Variants in PSMA1 observed in about 807,000 individuals in gnomAD.
The protein encoded by PSMA1 is proteasome 20S subunit alpha 1, also known as proteasome subunit alpha type-1.
Under a neutral mutation model 38.4 loss-of-function variants are expected in PSMA1, and 3 were observed. The ratio of observed to expected loss-of-function variants is 0.08; its 90% CI spans 0.04 to 0.20. The LOEUF (loss-of-function observed/expected upper bound fraction) is 0.20, where lower values mean the gene tolerates loss of function less well. PSMA1 is among the 10% of genes least tolerant of loss of function. The pLI is 1.00. For missense variants in PSMA1, 227 were observed against 325.3 expected (o/e 0.70, Z 2.32); for synonymous variants, 101 against 107.1 (o/e 0.94, Z 0.35).
intron 2 of PSMA1, among the ~76,000 whole-genome samples, chr11:14,527,877 T>G (rs1019865747): frequency 1.3e-5 from 2 of 152,160 alleles, no homozygotes; most frequent in African/African-American, 4.8e-5. Context: ...AGTGACAAAG[T>G]ACACTTCAAT....
At chr11:14,579,466 C>CTTAA (rs1852256654) in intron 2 of PSMA1, among the ~76,000 whole-genome samples, 1 of 138,612 alleles carries the variant, frequency 7.2e-6, no homozygotes, top group African/African-American at 2.7e-5. Flanking sequence ...AGATCCTTAA[C>CTTAA]TTAATTACAG....
chr11:14,638,585 A>T (rs7131567), intron 1 of PSMA1, among the ~76,000 whole-genome samples: 490 of 8,088 alleles, frequency 0.061, 13 homozygotes, highest in Middle Eastern at 0.17. Flanking sequence ...ATATATATAT[A>T]TTTTTTTTTT....
intron 4 of PSMA1, among the ~76,000 whole-genome samples, chr11:14,517,192 T>C (rs1293284786): frequency 6.6e-6 from 1 of 152,180 alleles, no homozygotes; most frequent in Non-Finnish European, 1.5e-5. Context: ...CAAGTTCCCT[T>C]AAGACAAGAT....
intron 2 of PSMA1, among the ~76,000 whole-genome samples, chr11:14,606,089 TGCATATGGCTA>T (rs1852639182): frequency 6.6e-6 from 1 of 152,278 alleles, no homozygotes; most frequent in Non-Finnish European, 1.5e-5. Context: ...TTCATTGCCC[TGCATATGGCTA>T]GCCAGCTATC....
In PSMA1 at chr11:14,507,640, T is replaced by C. The variant is rs749483928; in HGVS notation, c.735+16A>G. On this transcript the variant is annotated intron_variant, in intron 9 of 9. Transcript: ENST00000396394. ...CTTACAATAGAACTAAAGCCTCTTG[T>C]GTTATGATTATATACCTGTGCCTTT... The C allele has an allele frequency of 6.6e-7, 1 of 1,516,600 alleles. No homozygotes were observed. The highest frequency in any genetic ancestry group is 1.7e-5 in the Admixed American group (1 of 58,638). 93.9% of individuals were successfully genotyped at this position (1,516,600 alleles called of 1,614,324 possible).
At chr11:14,540,005 A>G (rs1368936269) in intron 2 of PSMA1, among the ~76,000 whole-genome samples, 5 of 152,240 alleles carry the variant, frequency 3.3e-5, no homozygotes, top group Non-Finnish European at 4.4e-5. Flanking sequence ...TTTAGCCTGT[A>G]GTGCTGCGTG....
intron 2 of PSMA1, among the ~76,000 whole-genome samples, chr11:14,600,070 G>A (rs1023439636): frequency 5.3e-5 from 8 of 152,194 alleles, no homozygotes; most frequent in Non-Finnish European, 1.0e-4. Context: ...GTCACCAGCA[G>A]AGGCTGCAGA....
intron 2 of PSMA1, among the ~76,000 whole-genome samples, chr11:14,600,334 G>C (rs1157027047): frequency 6.6e-6 from 1 of 152,224 alleles, no homozygotes; most frequent in African/African-American, 2.4e-5. Context: ...CTTATGTTCA[G>C]CTATGCCCTG....
intron 1 of PSMA1, among the ~76,000 whole-genome samples, chr11:14,618,934 G>T (rs1052038648): frequency 6.6e-6 from 1 of 152,156 alleles, no homozygotes; most frequent in Non-Finnish European, 1.5e-5. Flanking sequence ...TAAGCTACTA[G>T]AATAATAATT....
chr11:14,605,421 T>C (rs1168505660), intron 2 of PSMA1, among the ~76,000 whole-genome samples: 1 of 152,148 alleles, frequency 6.6e-6, no homozygotes, highest in East Asian at 1.9e-4. Context: ...TCTCACTCTG[T>C]CACCCAGGTT....
At chr11:14,546,274 A>C (rs1021754353) in intron 2 of PSMA1, among the ~76,000 whole-genome samples, 5 of 152,036 alleles carry the variant, frequency 3.3e-5, no homozygotes, top group Non-Finnish European at 7.4e-5. Flanking sequence ...TTTCCAAAGA[A>C]AAGAGGATTT....
chr11:14,622,304 A>G (rs1404982010), intron 1 of PSMA1, among the ~76,000 whole-genome samples: 1 of 152,220 alleles, frequency 6.6e-6, no homozygotes, highest in Non-Finnish European at 1.5e-5. Flanking sequence ...CCTGTGGGTT[A>G]GATAATAATT....
intron 1 of PSMA1, among the ~76,000 whole-genome samples, chr11:14,627,726 T>A (rs1852932217): frequency 6.6e-6 from 1 of 152,232 alleles, no homozygotes; most frequent in African/African-American, 2.4e-5. Flanking sequence ...AGTTGCTTCA[T>A]AATATTTTTA....
intron 2 of PSMA1, among the ~76,000 whole-genome samples, chr11:14,559,525 C>T (rs992047163): frequency 6.6e-6 from 1 of 152,146 alleles, no homozygotes. Context: ...GATGGAAAAG[C>T]TCAGGACTTA....
intron 2 of PSMA1, among the ~76,000 whole-genome samples, chr11:14,538,169 A>G (rs968606912): frequency 1.3e-5 from 2 of 152,188 alleles, no homozygotes; most frequent in Non-Finnish European, 2.9e-5. Flanking sequence ...CTATGTATTT[A>G]TAAGTCTAGT....
intron 1 of PSMA1, among the ~76,000 whole-genome samples, chr11:14,625,813 T>C (rs1468845868): frequency 1.3e-5 from 2 of 152,238 alleles, no homozygotes; most frequent in African/African-American, 4.8e-5. Flanking sequence ...TTATCTTTCA[T>C]AGGCACTTTC....
chr11:14,509,047 T>A (rs889379226), intron 8 of PSMA1, among the ~76,000 whole-genome samples: 1 of 152,202 alleles, frequency 6.6e-6, no homozygotes, highest in African/African-American at 2.4e-5. Context: ...CATTTCTATA[T>A]AAAGACTTCA....
intron 2 of PSMA1, among the ~76,000 whole-genome samples, chr11:14,601,909 C>T (rs2085841384): frequency 6.6e-6 from 1 of 152,146 alleles, no homozygotes; most frequent in East Asian, 1.9e-4. Context: ...GGCTTACTGT[C>T]AGAAAAAGGT....
At chr11:14,538,802 T>C (rs1386512870) in intron 2 of PSMA1, among the ~76,000 whole-genome samples, 1 of 152,228 alleles carries the variant, frequency 6.6e-6, no homozygotes, top group East Asian at 1.9e-4. Flanking sequence ...CTACACCCAG[T>C]ACCTGACTTC....
Sources: gnomAD v4.1 joint callset for allele counts (sites outside exome capture counted in the v4.1 genomes callset) on GRCh38, gnomAD v4.1.1 for gene constraint, MANE v1.5 for transcripts, NCBI Gene and HGNC (gene_info 2026-07-23, HGNC 2026-07-21) for gene names.